PTPRD: variants seen among roughly 807,000 people sequenced by gnomAD.
PTPRD encodes receptor-type tyrosine-protein phosphatase delta.
PTPRD carries 34 observed loss-of-function variants against 214.5 expected under a neutral mutation model. That is an observed-to-expected ratio of 0.16 (90% CI 0.12 to 0.21). The LOEUF is 0.21. Ranked by LOEUF, PTPRD falls within the 10% of genes least tolerant of loss-of-function variation. The probability of loss-of-function intolerance (pLI) is 1.00; values close to 1 mark genes in which losing one functional copy is unlikely to be tolerated. For missense variants in PTPRD, 2,545 were observed against 2,398.7 expected, an observed-to-expected ratio of 1.06 and a Z score of -1.27; for synonymous variants, 1,128 against 845.7, an observed-to-expected ratio of 1.33 and a Z score of -5.79.
At chr9:10,503,608 G>A (rs1035701384) in intron 2 of PTPRD, among the ~76,000 whole-genome samples, 3 of 152,002 alleles carry the variant, frequency 2.0e-5, no homozygotes, top group South Asian at 2.1e-4. Context: ...TACTTTGGCA[G>A]GTACTATTGG....
At chr9:9,746,885 C>G (rs1007853553) in intron 6 of PTPRD, among the ~76,000 whole-genome samples, 1 of 145,316 alleles carries the variant, frequency 6.9e-6, no homozygotes, top group African/African-American at 2.6e-5. Flanking sequence ...AAAATATAGA[C>G]AAGTATATGA....
chr9:9,133,244 A>T (rs1243263341), intron 10 of PTPRD, among the ~76,000 whole-genome samples: 1 of 152,138 alleles, frequency 6.6e-6, no homozygotes, highest in Admixed American at 6.6e-5. Context: ...TGGCAGATAG[A>T]TGGTGATGTT....
At chr9:8,631,217 G>A (rs1445158063) in intron 14 of PTPRD, among the ~76,000 whole-genome samples, 1 of 151,838 alleles carries the variant, frequency 6.6e-6, no homozygotes, top group African/African-American at 2.4e-5. Context: ...ATTCCTGCCA[G>A]TTCTAAAATC....
intron 9 of PTPRD, among the ~76,000 whole-genome samples, chr9:9,254,308 C>T (rs778397575): frequency 2.9e-4 from 44 of 152,014 alleles, no homozygotes; most frequent in Non-Finnish European, 5.7e-4. Context: ...CTATTTCCTT[C>T]TATTTTCTGT....
intron 3 of PTPRD, among the ~76,000 whole-genome samples, chr9:10,098,665 G>A (rs548272541): frequency 1.3e-5 from 2 of 151,588 alleles, no homozygotes; most frequent in Admixed American, 1.3e-4. Flanking sequence ...AAAAACATTA[G>A]TTACTTCAAG....
chr9:9,609,174 T>C (rs1216349850), intron 7 of PTPRD, among the ~76,000 whole-genome samples: 1 of 152,160 alleles, frequency 6.6e-6, no homozygotes, highest in Non-Finnish European at 1.5e-5. Flanking sequence ...TTTATGAATC[T>C]ACATTGATTT....
At chr9:8,658,218 G>T (rs1299956060) in intron 12 of PTPRD, among the ~76,000 whole-genome samples, 2 of 152,292 alleles carry the variant, frequency 1.3e-5, no homozygotes, top group East Asian at 1.9e-4. Flanking sequence ...AATTAAAGGA[G>T]CTCTATAAAG....
intron 3 of PTPRD, among the ~76,000 whole-genome samples, chr9:10,123,089 G>T (rs75020311): frequency 1.7e-3 from 261 of 152,330 alleles, no homozygotes; most frequent in African/African-American, 6.0e-3. Context: ...ATAGTAAAAA[G>T]CTGGACATTT....
intron 11 of PTPRD, among the ~76,000 whole-genome samples, chr9:8,945,247 T>C (rs1004672421): frequency 6.6e-6 from 1 of 152,068 alleles, no homozygotes; most frequent in African/African-American, 2.4e-5. Context: ...CTGGAAGGCA[T>C]AGATACTTGT....
At chr9:9,946,244 G>A (rs776746910) in intron 4 of PTPRD, among the ~76,000 whole-genome samples, 4 of 152,008 alleles carry the variant, frequency 2.6e-5, no homozygotes, top group Non-Finnish European at 5.9e-5. Flanking sequence ...CTCAGCACTT[G>A]GCAAAATACC....
chr9:8,992,844 A>ACTT (rs1449674179), intron 11 of PTPRD, among the ~76,000 whole-genome samples: 2 of 152,190 alleles, frequency 1.3e-5, no homozygotes, highest in Non-Finnish European at 2.9e-5. Flanking sequence ...GACTAAAGGG[A>ACTT]CAGAAACTGA....
At chr9:8,963,508 G>C (rs566071004) in intron 11 of PTPRD, among the ~76,000 whole-genome samples, 2 of 152,226 alleles carry the variant, frequency 1.3e-5, no homozygotes, top group South Asian at 4.1e-4. Flanking sequence ...CATGTCTATT[G>C]AGATGACCAT....
chr9:8,353,770 C>G (rs1392772361), intron 39 of PTPRD, among the ~76,000 whole-genome samples: 1 of 150,458 alleles, frequency 6.6e-6, no homozygotes, highest in East Asian at 2.0e-4. Flanking sequence ...CTTTTGCCTA[C>G]TCACATTCGT....
rs1166246620 is a variant in PTPRD, at chr9:9,480,633, G to A, written c.-236-83151C>T. 5.3e-5 allele frequency among the ~76,000 whole-genome samples: 8 copies of A among 151,930 alleles called. 1 individual carries two copies. The highest frequency in any genetic ancestry group is 1.7e-4 in the African/African-American group (7 of 41,380). On this transcript the variant is annotated intron_variant, in intron 8 of 45. Transcript: ENST00000381196. ...CTGCTATTGCTCCAGGTTTAGTAAT[G>A]TATATTTTTTCAAATACATGATATG...
At chr9:9,509,193 C>T (rs1238314723) in intron 8 of PTPRD, among the ~76,000 whole-genome samples, 2 of 151,394 alleles carry the variant, frequency 1.3e-5, no homozygotes, top group Non-Finnish European at 3.0e-5. Context: ...TATTTTTTTC[C>T]TGTAAAATAC....
At position 8,339,061 on chromosome 9, in the gene PTPRD, A is replaced by C. The variant is rs1849732340; in HGVS notation, c.5254-14T>G. On this transcript the variant is annotated splice_polypyrimidine_tract_variant and intron_variant, in intron 42 of 45. Transcript: ENST00000381196. ...GTGACATTTCTCCTAAAAGGAGAGAAGATTAATGTTAAACTATGCAAAGTA... is the reference window on the plus strand; with the variant it reads ...GTGACATTTCTCCTAAAAGGAGAGACGATTAATGTTAAACTATGCAAAGTA... 2.5e-6 allele frequency: 4 copies of C among 1,608,186 alleles called. No individual in the cohort carries two copies. The Admixed American group carries it at 5.0e-5, about 20-fold the overall frequency.
At chr9:10,266,568 T>C (rs115689821) in intron 3 of PTPRD, among the ~76,000 whole-genome samples, 1,879 of 152,264 alleles carry the variant, frequency 0.012, 44 homozygotes, top group African/African-American at 0.043. Context: ...GGTATTATTT[T>C]TACTGTAAAA....
chr9:8,640,279 G>T (rs541379983), intron 12 of PTPRD, among the ~76,000 whole-genome samples: 3 of 152,160 alleles, frequency 2.0e-5, no homozygotes, highest in African/African-American at 7.2e-5. Context: ...CACCCAGGAG[G>T]CAGAGGTTGC....
chr9:8,664,348 C>G (rs1163547498), intron 12 of PTPRD, among the ~76,000 whole-genome samples: 1 of 152,190 alleles, frequency 6.6e-6, no homozygotes, highest in Non-Finnish European at 1.5e-5. Context: ...TCAAAATTTT[C>G]TTAGTGAATA....
Sources: allele counts gnomAD v4.1 joint callset (sites outside exome capture counted in the v4.1 genomes callset), GRCh38; gene constraint gnomAD v4.1.1; transcripts MANE v1.5; gene names NCBI Gene and HGNC (gene_info 2026-07-23, HGNC 2026-07-21).